The following GKAP1 variants were observed in gnomAD, a reference collection of about 807,000 sequenced individuals.
GKAP1 encodes the protein G kinase-anchoring protein 1.
A neutral mutation model predicts 56.7 loss-of-function variants in GKAP1; 31 were observed. The ratio of observed to expected loss-of-function variants is 0.55; its 90% confidence interval spans 0.41 to 0.74. GKAP1 has a LOEUF of 0.74. Ranked by LOEUF, GKAP1 falls within the 30% of genes least tolerant of loss-of-function variation. The pLI is 0.00. For synonymous variants in GKAP1, 151 were observed against 138.6 expected (o/e 1.09, Z -0.63); for missense variants, 364 against 402.3 (o/e 0.90, Z 0.82).
At chr9:83,817,305 C>T (rs1944630662) in intron 1 of GKAP1, 178 bp from the exon 2 acceptor site, 1 of 151,934 alleles carries the variant, frequency 6.6e-6, no homozygotes, top group Admixed American at 6.5e-5. Context: ...GTGCGAGTCC[C>T]TCCCCGCCGC....
chr9:83,808,779 T>C (rs139620509), intron 2 of GKAP1, among the ~76,000 whole-genome samples: 1 of 152,378 alleles, frequency 6.6e-6, no homozygotes, highest in East Asian at 1.9e-4. Flanking sequence ...AATGATACTA[T>C]ACATCACTTC....
intron 9 of GKAP1, among the ~76,000 whole-genome samples, chr9:83,753,037 G>GC (rs1160066504): frequency 6.6e-6 from 1 of 151,328 alleles, no homozygotes; most frequent in Non-Finnish European, 1.5e-5. Context: ...TCCAGCCTGG[G>GC]CAACAGAATG....
intron 3 of GKAP1, among the ~76,000 whole-genome samples, chr9:83,805,822 T>A (rs1210778974): frequency 2.0e-5 from 3 of 152,172 alleles, no homozygotes; most frequent in Non-Finnish European, 4.4e-5. Context: ...AAAACGTACT[T>A]TAAAAATGTT....
chr9:83,802,921 A>C (rs1944355619), intron 3 of GKAP1, among the ~76,000 whole-genome samples: 1 of 152,022 alleles, frequency 6.6e-6, no homozygotes, highest in Non-Finnish European at 1.5e-5. Flanking sequence ...TCACTTGAGC[A>C]ACATGATGAA....
chr9:83,804,119 G>A (rs1217637314), intron 3 of GKAP1, among the ~76,000 whole-genome samples: 1 of 149,184 alleles, frequency 6.7e-6, no homozygotes, highest in African/African-American at 2.5e-5. Context: ...CCGGGAGGGA[G>A]GTAGGGGGGT....
chr9:83,760,594 T>G (rs1023195425), intron 8 of GKAP1, among the ~76,000 whole-genome samples: 2 of 152,270 alleles, frequency 1.3e-5, no homozygotes, highest in African/African-American at 4.8e-5. Context: ...CAGATCACTC[T>G]CAAGGATAGA....
chr9:83,772,995 A>C (rs1389891511), intron 7 of GKAP1, among the ~76,000 whole-genome samples: 1 of 152,218 alleles, frequency 6.6e-6, no homozygotes, highest in Non-Finnish European at 1.5e-5. Flanking sequence ...GAAAAATGGT[A>C]GTCATTTTGA....
chr9:83,814,071 CT>C (rs376992483), intron 2 of GKAP1, among the ~76,000 whole-genome samples: 94 of 151,914 alleles, frequency 6.2e-4, no homozygotes, highest in African/African-American at 2.3e-3. Flanking sequence ...TGCACTACAC[CT>C]TGGGTTACAG....
At chr9:83,807,544 G>A (rs1468840995) in intron 2 of GKAP1, among the ~76,000 whole-genome samples, 7 of 152,178 alleles carry the variant, frequency 4.6e-5, no homozygotes, top group Admixed American at 4.6e-4. Context: ...ACTCCAAGTA[G>A]CCAGCACAAA....
intron 7 of GKAP1, among the ~76,000 whole-genome samples, chr9:83,776,051 A>G (rs1304229011): frequency 1.3e-5 from 2 of 152,138 alleles, no homozygotes; most frequent in Non-Finnish European, 2.9e-5. Flanking sequence ...AGCTGAGAGT[A>G]GGGAGTGAAA....
intron 3 of GKAP1, among the ~76,000 whole-genome samples, chr9:83,804,285 C>G (rs1213904727): frequency 6.7e-6 from 1 of 148,280 alleles, no homozygotes; most frequent in African/African-American, 2.5e-5. Flanking sequence ...GCCGCCCCAT[C>G]TGGGAGGGAG....
intron 8 of GKAP1, among the ~76,000 whole-genome samples, chr9:83,767,657 C>G (rs1943687216): frequency 6.6e-6 from 1 of 151,714 alleles, no homozygotes; most frequent in Non-Finnish European, 1.5e-5. Context: ...GCCACAGCAC[C>G]CAGCCATATT....
intron 7 of GKAP1, among the ~76,000 whole-genome samples, chr9:83,779,363 T>G (rs993420088): frequency 3.3e-5 from 5 of 149,984 alleles, no homozygotes; most frequent in South Asian, 2.1e-4. Context: ...TTTTAAGAGA[T>G]AGATTTCGTT....
chr9:83,755,766 T>C (rs1027799013), intron 8 of GKAP1, among the ~76,000 whole-genome samples: 8 of 149,340 alleles, frequency 5.4e-5, no homozygotes, highest in African/African-American at 2.0e-4. Flanking sequence ...ACAATCTCAC[T>C]AGTAAGCAAA....
At chr9:83,800,331 GTTTTTTTTTTGTT>G (rs1271069488) in intron 3 of GKAP1, among the ~76,000 whole-genome samples, 2 of 95,614 alleles carry the variant, frequency 2.1e-5, no homozygotes, top group Admixed American at 1.1e-4. Context: ...GCCTCCTTAC[GTTTTTTTTTTGTT>G]TTTTTTTTTT....
intron 7 of GKAP1, among the ~76,000 whole-genome samples, chr9:83,771,502 T>A (rs1451307126): frequency 6.6e-6 from 1 of 152,208 alleles, no homozygotes; most frequent in Non-Finnish European, 1.5e-5. Flanking sequence ...TTGAAAAAAA[T>A]TTATTTGTAT....
chr9:83,758,166 G>C (rs905470009), intron 8 of GKAP1, among the ~76,000 whole-genome samples: 1 of 152,150 alleles, frequency 6.6e-6, no homozygotes, highest in Non-Finnish European at 1.5e-5. Flanking sequence ...GAGCAACACA[G>C]AGGCTTATAT....
chr9:83,752,272 C>T (rs1943403627), intron 9 of GKAP1, among the ~76,000 whole-genome samples: 1 of 151,952 alleles, frequency 6.6e-6, no homozygotes, highest in South Asian at 2.1e-4. Context: ...CATGGTGGTG[C>T]GGGCATGGTG....
intron 5 of GKAP1, among the ~76,000 whole-genome samples, chr9:83,788,154 T>C (rs1944095589): frequency 6.6e-6 from 1 of 152,128 alleles, no homozygotes; most frequent in South Asian, 2.1e-4. Flanking sequence ...GGCTCACGCC[T>C]GTAGTCCCAG....
Sources: allele counts gnomAD v4.1 joint callset (sites outside exome capture counted in the v4.1 genomes callset), GRCh38; gene constraint gnomAD v4.1.1; transcripts MANE v1.5; gene names NCBI Gene and HGNC (gene_info 2026-07-23, HGNC 2026-07-21).